Variants in AUTS2 observed in about 807,000 individuals in gnomAD.
AUTS2 encodes activator of transcription and developmental regulator AUTS2.
Under a neutral mutation model 112.4 loss-of-function variants are expected in AUTS2, and 17 were observed. The ratio of observed to expected loss-of-function variants is 0.15; its 90% CI spans 0.10 to 0.23. The LOEUF (loss-of-function observed/expected upper bound fraction) is 0.23, where lower values mean the gene tolerates loss of function less well. Among genes scored for constraint, AUTS2 ranks in the 10% least tolerant of loss-of-function variants. The probability of loss-of-function intolerance (pLI) is 1.00; values close to 1 mark genes in which losing one functional copy is unlikely to be tolerated. For missense variants in AUTS2, 1,510 were observed against 1,701.6 expected (o/e 0.89, Z 1.98); for synonymous variants, 751 against 702.7 (o/e 1.07, Z -1.09).
chr7:70,052,682 A>G (rs11767997), intron 2 of AUTS2, among the ~76,000 whole-genome samples: 55,696 of 151,988 alleles, frequency 0.37, 10,768 homozygotes, highest in African/African-American at 0.49. Flanking sequence ...TGAAGTGGAT[A>G]GGTAGATTCT....
Position 70,332,133 on chromosome 7 carries a change from T to C in AUTS2, c.661-103619T>C, listed in dbSNP as rs946862393. ...GCAAAATCCCAGGATACAAAATCAATGTGCAAAAACCACAAGCATTCCTAT... is the reference window on the plus strand; with the variant it reads ...GCAAAATCCCAGGATACAAAATCAACGTGCAAAAACCACAAGCATTCCTAT... On this transcript the variant is annotated intron_variant, in intron 4 of 18. Coordinates refer to ENST00000342771, the MANE Select transcript of AUTS2 (RefSeq NM_015570.4). 2.0e-4 allele frequency among the ~76,000 whole-genome samples: 31 copies of C among 152,304 alleles called. 1 individual carries two copies. The highest frequency in any genetic ancestry group is 6.8e-3 in the Middle Eastern group (2 of 294).
At chr7:70,636,666 A>G (rs1297245992) in intron 5 of AUTS2, among the ~76,000 whole-genome samples, 1 of 124,078 alleles carries the variant, frequency 8.1e-6, no homozygotes, top group Non-Finnish European at 1.7e-5. Flanking sequence ...TTTTTTTTTG[A>G]GACAGAGTCT....
At chr7:70,178,924 G>A (rs566033989) in intron 4 of AUTS2, among the ~76,000 whole-genome samples, 2 of 152,312 alleles carry the variant, frequency 1.3e-5, no homozygotes, top group Admixed American at 6.5e-5. Flanking sequence ...AACCCACTGT[G>A]ACTCATGAGG....
At chr7:69,712,839 A>T (rs1798391700) in intron 1 of AUTS2, among the ~76,000 whole-genome samples, 1 of 152,170 alleles carries the variant, frequency 6.6e-6, no homozygotes, top group East Asian at 1.9e-4. Flanking sequence ...TCCCACTAGC[A>T]GTGTATGACA....
chr7:70,546,016 T>C lies in AUTS2; in HGVS notation c.690+110235T>C, dbSNP rs1333845386. Among the ~76,000 whole-genome samples, 7 of 152,354 alleles carry C rather than the reference T, an allele frequency of 4.6e-5. No individual in the cohort carries two copies. In the South Asian group the frequency reaches 8.3e-4, roughly 18 times the overall value. On this transcript the variant is annotated intron_variant, in intron 5 of 18. Coordinates refer to ENST00000342771, the MANE Select transcript of AUTS2 (RefSeq NM_015570.4). ...ATAACAATAAGCTAAAAACAGATAG[T>C]AAGGGATCTCAAGTGTCTTGGGCAG...
intron 1 of AUTS2, among the ~76,000 whole-genome samples, chr7:69,799,657 C>A (rs1177066503): frequency 6.6e-6 from 1 of 152,168 alleles, no homozygotes; most frequent in Non-Finnish European, 1.5e-5. Context: ...GGGACTATAA[C>A]CTGCATAATC....
At chr7:69,825,940 G>C (rs1450792760) in intron 1 of AUTS2, 1 of 152,228 alleles carries the variant, frequency 6.6e-6, no homozygotes, top group African/African-American at 2.4e-5. Flanking sequence ...TATGAGTGTT[G>C]TGGTTCTGCA....
intron 1 of AUTS2, among the ~76,000 whole-genome samples, chr7:69,686,389 CA>C (rs1347724343): frequency 6.6e-6 from 1 of 151,676 alleles, no homozygotes; most frequent in Admixed American, 6.6e-5. Context: ...TAATATGAAC[CA>C]AAAAATATAT....
chr7:70,147,909 G>A (rs1416664681), intron 4 of AUTS2, among the ~76,000 whole-genome samples: 1 of 151,790 alleles, frequency 6.6e-6, no homozygotes, highest in Non-Finnish European at 1.5e-5. Flanking sequence ...GTAAATTTGG[G>A]TGAATTTCTT....
At chr7:70,142,110 T>C (rs1368812049) in intron 4 of AUTS2, among the ~76,000 whole-genome samples, 1 of 152,238 alleles carries the variant, frequency 6.6e-6, no homozygotes, top group Non-Finnish European at 1.5e-5. Flanking sequence ...ACATTTGCTG[T>C]CTACAGGAAT....
chr7:69,859,454 G>A (rs1562932685), intron 1 of AUTS2, among the ~76,000 whole-genome samples: 2 of 152,184 alleles, frequency 1.3e-5, no homozygotes, highest in African/African-American at 4.8e-5. Context: ...TAGACAAGAT[G>A]ACAAACAGAG....
chr7:70,103,143 A>G (rs1381143347), intron 2 of AUTS2, among the ~76,000 whole-genome samples: 2 of 152,214 alleles, frequency 1.3e-5, no homozygotes, highest in Admixed American at 1.3e-4. Flanking sequence ...CAAAGGAACA[A>G]ACACACTGCA....
chr7:70,186,704 A>C (rs1278338917), intron 4 of AUTS2, among the ~76,000 whole-genome samples: 1 of 152,006 alleles, frequency 6.6e-6, no homozygotes, highest in Non-Finnish European at 1.5e-5. Flanking sequence ...GAGTAGCTGG[A>C]ATTACAGGCG....
chr7:70,724,383 G>A (rs752240407), intron 6 of AUTS2, among the ~76,000 whole-genome samples: 7 of 150,984 alleles, frequency 4.6e-5, no homozygotes, highest in Non-Finnish European at 1.0e-4. Flanking sequence ...AAAAATCAAG[G>A]CATAGTGAGA....
intron 6 of AUTS2, among the ~76,000 whole-genome samples, chr7:70,760,378 GAA>G (rs1789495959): frequency 6.6e-6 from 1 of 152,222 alleles, no homozygotes; most frequent in Non-Finnish European, 1.5e-5. Flanking sequence ...GTCAGTGTGA[GAA>G]GAGTCCTGCT....
At chr7:69,785,045 A>G (rs968591346) in intron 1 of AUTS2, among the ~76,000 whole-genome samples, 1 of 152,116 alleles carries the variant, frequency 6.6e-6, no homozygotes, top group Non-Finnish European at 1.5e-5. Context: ...AAAAACAAGA[A>G]AGGGAAGAGA....
intron 5 of AUTS2, among the ~76,000 whole-genome samples, chr7:70,549,188 A>G (rs1399959146): frequency 6.6e-6 from 1 of 152,192 alleles, no homozygotes; most frequent in Non-Finnish European, 1.5e-5. Context: ...CTAGTATATA[A>G]AAACATTGAT....
intron 1 of AUTS2, among the ~76,000 whole-genome samples, chr7:69,623,485 G>A (rs1408192644): frequency 6.8e-6 from 1 of 147,318 alleles, no homozygotes; most frequent in African/African-American, 2.5e-5. Context: ...AGCTGCCTGG[G>A]CCTCTCACAG....
intron 6 of AUTS2, among the ~76,000 whole-genome samples, chr7:70,760,844 A>C (rs1369872226): frequency 1.3e-5 from 2 of 152,228 alleles, no homozygotes; most frequent in Non-Finnish European, 2.9e-5. Flanking sequence ...GGAAGTCCAG[A>C]GTTACTTTTC....
Sources: gnomAD v4.1 joint callset for allele counts (sites outside exome capture counted in the v4.1 genomes callset) on GRCh38, gnomAD v4.1.1 for gene constraint, MANE v1.5 for transcripts, NCBI Gene and HGNC (gene_info 2026-07-23, HGNC 2026-07-21) for gene names.